The following ELAPOR2 variants were observed in gnomAD, a reference collection of about 807,000 sequenced individuals.
The protein encoded by ELAPOR2 is endosome/lysosome-associated apoptosis and autophagy regulator family member 2.
A neutral mutation model predicts 120.7 loss-of-function variants in ELAPOR2; 89 were observed. The observed-to-expected ratio is 0.74, with a 90% CI of 0.62 to 0.88. The LOEUF (loss-of-function observed/expected upper bound fraction) is 0.88, where lower values mean the gene tolerates loss of function less well. Ranked by LOEUF, ELAPOR2 falls within the 40% of genes least tolerant of loss-of-function variation. The probability of loss-of-function intolerance (pLI) is 0.00; values close to 1 mark genes in which losing one functional copy is unlikely to be tolerated. For synonymous variants in ELAPOR2, 444 were observed against 444.9 expected, an observed-to-expected ratio of 1.00 and a Z score of 0.03; for missense variants, 1,134 against 1,251.6, an observed-to-expected ratio of 0.91 and a Z score of 1.42.
intron 1 of ELAPOR2, among the ~76,000 whole-genome samples, chr7:87,017,242 T>C (rs1319402592): frequency 1.3e-5 from 2 of 152,178 alleles, no homozygotes; most frequent in Non-Finnish European, 2.9e-5. Context: ...CAAGGAAATA[T>C]CTAAAAATAA....
chr7:86,942,268 A>G (rs1029828643), intron 4 of ELAPOR2, among the ~76,000 whole-genome samples, 164 bp from the exon 5 acceptor site: 1 of 152,102 alleles, frequency 6.6e-6, no homozygotes, highest in African/African-American at 2.4e-5. Context: ...AGCCTAAGTG[A>G]CAACTGCATA....
chr7:87,010,781 A>T (rs1793629299), intron 1 of ELAPOR2, among the ~76,000 whole-genome samples: 1 of 149,702 alleles, frequency 6.7e-6, no homozygotes, highest in South Asian at 2.1e-4. Context: ...GACAGATGCC[A>T]TTTTTTTTTT....
chr7:86,957,245 C>T (rs17161118), intron 2 of ELAPOR2, among the ~76,000 whole-genome samples: 13,443 of 152,266 alleles, frequency 0.088, 644 homozygotes, highest in Middle Eastern at 0.12. Context: ...CAAACTAAGC[C>T]TTCTGAGGAC....
At chr7:86,952,236 T>C (rs1241174514) in intron 2 of ELAPOR2, among the ~76,000 whole-genome samples, 2 of 152,182 alleles carry the variant, frequency 1.3e-5, no homozygotes, top group African/African-American at 4.8e-5. Flanking sequence ...ATTGAATCCA[T>C]GAATAATGAG....
intron 1 of ELAPOR2, among the ~76,000 whole-genome samples, chr7:87,054,367 T>C (rs1292467830): frequency 6.6e-6 from 1 of 152,200 alleles, no homozygotes; most frequent in South Asian, 2.1e-4. Context: ...ACATTGTAAA[T>C]ATTGATGGTG....
intron 1 of ELAPOR2, among the ~76,000 whole-genome samples, chr7:87,032,860 C>T (rs930064589): frequency 2.0e-5 from 3 of 152,172 alleles, no homozygotes; most frequent in African/African-American, 7.2e-5. Flanking sequence ...ACCTACACAC[C>T]TTGTGTGTGA....
At chr7:86,960,279 C>G (rs985433420) in intron 2 of ELAPOR2, among the ~76,000 whole-genome samples, 1 of 152,164 alleles carries the variant, frequency 6.6e-6, no homozygotes, top group Non-Finnish European at 1.5e-5. Context: ...GAGACGGAGT[C>G]TCACTCTGTC....
chr7:86,888,968 G>T (rs1489180035), intron 21 of ELAPOR2, among the ~76,000 whole-genome samples: 1 of 152,060 alleles, frequency 6.6e-6, no homozygotes, highest in Non-Finnish European at 1.5e-5. Flanking sequence ...ACACTAACTT[G>T]CTTCCTCACT....
chr7:86,888,420 AT>A (rs1014224079), intron 21 of ELAPOR2, among the ~76,000 whole-genome samples: 1 of 152,028 alleles, frequency 6.6e-6, no homozygotes, highest in South Asian at 2.1e-4. Flanking sequence ...GAATCATATG[AT>A]TTTTTAGGGT....
At chr7:86,950,335 G>A (rs1791193283) in intron 2 of ELAPOR2, among the ~76,000 whole-genome samples, 1 of 152,202 alleles carries the variant, frequency 6.6e-6, no homozygotes, top group Non-Finnish European at 1.5e-5. Context: ...AACAAATAGG[G>A]CTGAAACATG....
In ELAPOR2 at chr7:86,913,335, G is replaced by T; in HGVS notation, c.1732-131C>A. On this transcript the variant is annotated intron_variant, in intron 13 of 21. Coordinates refer to ENST00000450689, the MANE Select transcript of ELAPOR2 (RefSeq NM_001142749.3). ...GCCTAATAGTTTGTAATTGACAATAGATTAATATCACTGCTATTTGGTTCT... is the reference window on the plus strand; with the variant it reads ...GCCTAATAGTTTGTAATTGACAATATATTAATATCACTGCTATTTGGTTCT... 4 of 827,918 alleles carry T rather than the reference G, an allele frequency of 4.8e-6. No individual in the cohort carries two copies. The South Asian group carries it at 5.7e-5, about 12-fold the overall frequency. 51.3% of individuals were successfully genotyped at this position (827,918 alleles called of 1,614,324 possible).
chr7:86,933,235 T>G (rs1790409800), intron 8 of ELAPOR2, among the ~76,000 whole-genome samples: 1 of 151,908 alleles, frequency 6.6e-6, no homozygotes, highest in Admixed American at 6.6e-5. Context: ...ACCATATCAT[T>G]TAGTCTACAA....
rs144395150 is a variant in ELAPOR2 at position 86,919,354 on chromosome 7, A to G, written c.1400-44T>C. The G allele has an allele frequency of 1.7e-5, 20 of 1,177,892 alleles. No individual in the cohort carries two copies. The East Asian group carries it at 4.7e-4, about 28-fold the overall frequency. 73.0% of individuals were successfully genotyped at this position (1,177,892 alleles called of 1,614,324 possible). On this transcript the variant is annotated intron_variant, in intron 10 of 21. Transcript: ENST00000450689. ...ATTTTTATTAATAAAAATTCCATTA[A>G]TGATCTCCAACAATCTGTTTAAATA... is the stretch of plus-strand genomic sequence containing the variant.
Position 86,947,742 on chromosome 7 carries a change from G to A in ELAPOR2, c.491C>T (p.Pro164Leu). ...DTVVGPSDSR[P>L]DGCNNSSWIP... is the part of the protein sequence containing the mutation. The stretch of plus-strand genomic sequence containing the variant: ...GGATTCTTACTTGTTACAGCCGTCT[G>A]GCCTGCTGTCAGAAGGGCCCACCAC... Residue 164 changes from proline (P) to leucine (L), a missense_variant, in exon 3 of 22, where the codon CCA becomes CTA. Transcript: ENST00000450689. 6.4e-7 allele frequency: 1 copy of A among 1,551,364 alleles called. No homozygotes were observed. Among genetic ancestry groups the A allele is most frequent in the Non-Finnish European group, 8.7e-7 (1 of 1,146,724 alleles).
chr7:86,994,230 C>T (rs988907546), intron 1 of ELAPOR2, among the ~76,000 whole-genome samples: 1 of 152,138 alleles, frequency 6.6e-6, no homozygotes, highest in African/African-American at 2.4e-5. Context: ...AAATGAGATG[C>T]CCACTTGAGA....
chr7:86,897,467 T>C (rs779066893), intron 19 of ELAPOR2, 39 bp downstream of exon 19: 22 of 1,598,700 alleles, frequency 1.4e-5, no homozygotes, highest in Non-Finnish European at 1.8e-5. Context: ...ATTAACCAAC[T>C]ATAATGCCGA....
chr7:86,933,876 G>A (rs977938953), intron 8 of ELAPOR2, among the ~76,000 whole-genome samples: 1 of 151,930 alleles, frequency 6.6e-6, no homozygotes, highest in African/African-American at 2.4e-5. Context: ...TCTTCTAGGG[G>A]ACTAGGTTTG....
At chr7:86,922,877 T>C (rs1056893438) in intron 10 of ELAPOR2, among the ~76,000 whole-genome samples, 1 of 151,978 alleles carries the variant, frequency 6.6e-6, no homozygotes, top group African/African-American at 2.4e-5. Context: ...GAATATATTT[T>C]TAAATCAATA....
intron 8 of ELAPOR2, 139 bp from the exon 9 acceptor site, chr7:86,927,055 C>A: frequency 1.4e-6 from 1 of 718,228 alleles, no homozygotes; most frequent in Non-Finnish European, 2.0e-6. Flanking sequence ...ACATCAGTGA[C>A]AAAATGAGAG....
Sources: gnomAD v4.1 joint callset for allele counts (sites outside exome capture counted in the v4.1 genomes callset) on GRCh38, gnomAD v4.1.1 for gene constraint, MANE v1.5 for transcripts, NCBI Gene and HGNC (gene_info 2026-07-23, HGNC 2026-07-21) for gene names.